Variants in TTLL5 observed in about 807,000 individuals in gnomAD.
TTLL5 encodes tubulin tyrosine ligase like 5.
Under a neutral mutation model 168.4 loss-of-function variants are expected in TTLL5, and 132 were observed. The ratio of observed to expected loss-of-function variants is 0.78; its 90% confidence interval spans 0.68 to 0.91. The LOEUF (loss-of-function observed/expected upper bound fraction) is 0.91. TTLL5 is among the 40% of genes least tolerant of loss of function. TTLL5 has a pLI of 0.00. For missense variants in TTLL5, 1,545 were observed against 1,581.5 expected (o/e 0.98, Z 0.39); for synonymous variants, 546 against 558.6 (o/e 0.98, Z 0.32).
chr14:75,865,935 T>C (rs2030479573), intron 29 of TTLL5, among the ~76,000 whole-genome samples: 1 of 152,212 alleles, frequency 6.6e-6, no homozygotes, highest in Non-Finnish European at 1.5e-5. Context: ...TAATTGTATA[T>C]ATGTGTGTAA....
chr14:75,719,953 A>G, intron 11 of TTLL5, 127 bp downstream of exon 11: 1 of 1,001,614 alleles, frequency 1.0e-6, no homozygotes, highest in East Asian at 2.6e-5. Flanking sequence ...CCTTGGTGTT[A>G]CTTTTTCCTG....
chr14:75,703,410 T>A (rs964487201), intron 7 of TTLL5, among the ~76,000 whole-genome samples: 5 of 152,188 alleles, frequency 3.3e-5, no homozygotes, highest in Admixed American at 2.6e-4. Flanking sequence ...AAGAGAAGTG[T>A]GGACCACAGA....
chr14:75,815,489 A>G (rs1894341068), intron 27 of TTLL5, among the ~76,000 whole-genome samples: 1 of 152,242 alleles, frequency 6.6e-6, no homozygotes, highest in Non-Finnish European at 1.5e-5. Context: ...CAATAATCCA[A>G]AAGTAATTTC....
At chr14:75,715,061 G>T (rs973871698) in intron 9 of TTLL5, among the ~76,000 whole-genome samples, 3 of 152,076 alleles carry the variant, frequency 2.0e-5, no homozygotes, top group Admixed American at 6.6e-5. Context: ...TTTTCCAACA[G>T]CAGGAAATCT....
intron 31 of TTLL5, among the ~76,000 whole-genome samples, chr14:75,905,839 T>G (rs1260589571): frequency 6.6e-6 from 1 of 152,222 alleles, no homozygotes; most frequent in Non-Finnish European, 1.5e-5. Flanking sequence ...CCCCTTAGCT[T>G]CTGCCTAAGC....
chr14:75,819,590 C>A (rs983017301), intron 27 of TTLL5, among the ~76,000 whole-genome samples: 1 of 152,166 alleles, frequency 6.6e-6, no homozygotes, highest in East Asian at 1.9e-4. Flanking sequence ...TCAGTGGATT[C>A]TTTGTGTATT....
At chr14:75,827,505 A>G (rs112472015) in intron 28 of TTLL5, among the ~76,000 whole-genome samples, 120 of 152,196 alleles carry the variant, frequency 7.9e-4, no homozygotes, top group African/African-American at 2.7e-3. Flanking sequence ...GAGGCAGTGT[A>G]TGAGAGCTTA....
intron 7 of TTLL5, among the ~76,000 whole-genome samples, chr14:75,703,656 G>A (rs568512881): frequency 6.6e-6 from 1 of 152,278 alleles, no homozygotes; most frequent in South Asian, 2.1e-4. Flanking sequence ...ATGATCCATG[G>A]GAAATACAGT....
intron 28 of TTLL5, among the ~76,000 whole-genome samples, chr14:75,832,866 G>A (rs1220273015): frequency 6.6e-6 from 1 of 152,100 alleles, no homozygotes; most frequent in East Asian, 1.9e-4. Flanking sequence ...TCCTCCTTTT[G>A]GAGCTGTGGG....
intron 26 of TTLL5, among the ~76,000 whole-genome samples, chr14:75,788,545 T>C (rs1239167533): frequency 2.6e-5 from 4 of 152,158 alleles, no homozygotes; most frequent in Non-Finnish European, 4.4e-5. Context: ...CTATAACTTA[T>C]GTAAAAATGA....
chr14:75,666,122 T>A (rs1883241639), intron 2 of TTLL5, among the ~76,000 whole-genome samples: 1 of 152,222 alleles, frequency 6.6e-6, no homozygotes, highest in African/African-American at 2.4e-5. Context: ...TTTTTTACAT[T>A]AGGAAGCTTA....
rs141025449 is a variant in TTLL5, at chr14:75,722,105, A to G, written c.1042+1402A>G. 2.0e-3 allele frequency among the ~76,000 whole-genome samples: 308 copies of G among 152,278 alleles called. 1 individual carries two copies. Among genetic ancestry groups the G allele is most frequent in the Middle Eastern group, 3.4e-3 (1 of 294 alleles). On this transcript the variant is annotated intron_variant, in intron 12 of 31. Coordinates refer to ENST00000298832, the MANE Select transcript of TTLL5 (RefSeq NM_015072.5). ...ATATACCTTATAATCCAGCTGTACT[A>G]TAGTATACTTCTAAGCACTCTGTGC...
Position 75,744,854 on chromosome 14 carries a change from CT to C in TTLL5, c.1282-237del, listed in dbSNP as rs1889501316. ...GTGGACCTCATTCTTTCTTTCTTCT[CT>C]TTTCTCTCTCAACCCATAGTGTTCT... On this transcript the variant is annotated intron_variant, in intron 15 of 31. Transcript: ENST00000298832. 2.5e-5 allele frequency: 7 copies of C among 281,004 alleles called. No homozygotes were observed. In the South Asian group the frequency reaches 5.6e-4, roughly 22 times the overall value. 17.4% of individuals were successfully genotyped at this position (281,004 alleles called of 1,614,324 possible). A position where few individuals can be genotyped will look rare whatever the true frequency, so the allele number is the denominator to read the frequency against.
At chr14:75,736,310 C>G (rs1888902817) in intron 15 of TTLL5, among the ~76,000 whole-genome samples, 1 of 152,140 alleles carries the variant, frequency 6.6e-6, no homozygotes. Context: ...CATTCCTGCT[C>G]TTGTTCCTTT....
chr14:75,920,776 G>A (rs909117144), intron 31 of TTLL5, among the ~76,000 whole-genome samples: 5 of 152,180 alleles, frequency 3.3e-5, no homozygotes, highest in Admixed American at 6.5e-5. Context: ...TAATGGGATC[G>A]CTGGATCAAA....
intron 17 of TTLL5, among the ~76,000 whole-genome samples, chr14:75,747,213 T>C (rs1489278174): frequency 6.6e-6 from 1 of 152,146 alleles, no homozygotes; most frequent in Non-Finnish European, 1.5e-5. Flanking sequence ...TAGTCCTCTA[T>C]TAATTCTACC....
At chr14:75,890,489 G>A (rs2032346598) in intron 30 of TTLL5, among the ~76,000 whole-genome samples, 3 of 151,900 alleles carry the variant, frequency 2.0e-5, no homozygotes, top group African/African-American at 7.3e-5. Flanking sequence ...GGAGAACACG[G>A]CACACTATGT....
intron 5 of TTLL5, among the ~76,000 whole-genome samples, chr14:75,686,343 C>G (rs1380903324): frequency 6.6e-6 from 1 of 152,104 alleles, no homozygotes; most frequent in Admixed American, 6.6e-5. Flanking sequence ...TCTTCTATAT[C>G]CATCTCTCAA....
At position 75,776,827 on chromosome 14, in the gene TTLL5, T is replaced by A; in HGVS notation, c.2364T>A (p.Phe788Leu). ...AAGATGGGGTGAATATGGAAAACTT[T>A]CAGGAGTTCATCAGACAAGCAAGGT... Reference protein sequence around the residue: ...EEEDGVNMENFQEFIRQASEA... With the variant: ...EEEDGVNMENLQEFIRQASEA... Residue 788 changes from phenylalanine to leucine, a missense_variant, in exon 23 of 32, where the codon TTT becomes TTA. Coordinates refer to ENST00000298832, the MANE Select transcript of TTLL5 (RefSeq NM_015072.5). 6.2e-7 allele frequency: 1 copy of A among 1,613,802 alleles called. No homozygotes were observed. The highest frequency in any genetic ancestry group is 8.5e-7 in the Non-Finnish European group (1 of 1,179,782).
Sources: allele counts gnomAD v4.1 joint callset (sites outside exome capture counted in the v4.1 genomes callset), GRCh38; gene constraint gnomAD v4.1.1; transcripts MANE v1.5; gene names NCBI Gene and HGNC (gene_info 2026-07-23, HGNC 2026-07-21).